MYCBP: variants seen among roughly 807,000 people sequenced by gnomAD.
MYCBP encodes C-Myc-binding protein.
A neutral mutation model predicts 16.8 loss-of-function variants in MYCBP; 5 were observed. That is an observed-to-expected ratio of 0.30 (90% CI 0.16 to 0.63). MYCBP has a LOEUF of 0.63. Ranked by LOEUF, MYCBP falls within the 20% of genes least tolerant of loss-of-function variation. The probability of loss-of-function intolerance (pLI) is 0.83; values close to 1 mark genes in which losing one functional copy is unlikely to be tolerated. For missense variants in MYCBP, 103 were observed against 121.8 expected (o/e 0.85, Z 0.73); for synonymous variants, 35 against 43.7 (o/e 0.80, Z 0.79).
chr1:38,873,315 G>C lies in MYCBP; in HGVS notation c.-10C>G, dbSNP rs200828601. On this transcript the variant is annotated 5_prime_UTR_variant, in exon 1 of 5. Transcript: ENST00000397572. ...CTTTGTAATGGGCCATAGTGACAGC[G>C]GCAGCGGCGTAGCTGGCGCCGGAGA... 3 of 1,601,422 alleles carry C rather than the reference G, an allele frequency of 1.9e-6. No homozygotes were observed. Among genetic ancestry groups the C allele is most frequent in the African/African-American group, 2.7e-5 (2 of 74,892 alleles).
chr1:38,871,002 G>C (rs761989641), intron 2 of MYCBP, among the ~76,000 whole-genome samples: 3 of 152,056 alleles, frequency 2.0e-5, no homozygotes, highest in Admixed American at 6.6e-5. Flanking sequence ...CACTCTGCGG[G>C]GCTGAGGTGA....
intron 4 of MYCBP, among the ~76,000 whole-genome samples, chr1:38,865,708 G>T (rs191585917): frequency 1.3e-5 from 2 of 152,170 alleles, no homozygotes; most frequent in East Asian, 3.9e-4. Context: ...AGGCAGAGGT[G>T]GGGGGATTAC....
chr1:38,872,883 G>A lies in MYCBP; in HGVS notation c.88+135C>T, dbSNP rs1378130632. On this transcript the variant is annotated intron_variant, in intron 2 of 4. Coordinates refer to ENST00000397572, the MANE Select transcript of MYCBP (RefSeq NM_012333.5). ...AGCAGCCAGGTCCCTGCTGAACCCC[G>A]AGGCCCACCTCGCTGGACCCCGGAC... 7 of 1,024,690 alleles carry A rather than the reference G, an allele frequency of 6.8e-6. No individual in the cohort carries two copies. The South Asian group carries it at 8.0e-5, about 12-fold the overall frequency. 63.5% of individuals were successfully genotyped at this position (1,024,690 alleles called of 1,614,324 possible). A position where few individuals can be genotyped will look rare whatever the true frequency, so the allele number is the denominator to read the frequency against.
At chr1:38,873,167 G>C in intron 1 of MYCBP, 77 bp from the exon 2 acceptor site, 1 of 1,551,004 alleles carries the variant, frequency 6.4e-7, no homozygotes, top group Non-Finnish European at 8.7e-7. Context: ...CGGCAACCCC[G>C]CCTCCGCCTC....
Position 38,864,404 on chromosome 1 carries a change from T to C in MYCBP, c.*266A>G, listed in dbSNP as rs1157331957. The C allele has an allele frequency of 1.0e-5, 5 of 488,292 alleles. No individual in the cohort carries two copies. The highest frequency in any genetic ancestry group is 1.9e-5 in the Non-Finnish European group (5 of 268,914). The allele number at this position is 488,292 out of a possible 1,614,324, so 30.2% of individuals were successfully genotyped here. A position where few individuals can be genotyped will look rare whatever the true frequency, so the allele number is the denominator to read the frequency against. On this transcript the variant is annotated 3_prime_UTR_variant, in exon 5 of 5. Coordinates refer to ENST00000397572, the MANE Select transcript of MYCBP (RefSeq NM_012333.5). Reference sequence around the variant, plus strand: ...GTGCCATCATTCCTAATCAGACTAATAAACAGAATGTCTTTTAAGGTAATG... The same window carrying C: ...GTGCCATCATTCCTAATCAGACTAACAAACAGAATGTCTTTTAAGGTAATG...
Position 38,873,085 on chromosome 1 carries a change from G to T in MYCBP, c.21C>A (p.Ala7=). The T allele has an allele frequency of 6.4e-7, 1 of 1,560,564 alleles. No homozygotes were observed. Among genetic ancestry groups the T allele is most frequent in the Non-Finnish European group, 8.7e-7 (1 of 1,152,286 alleles). ...TCCGGAACTGCTCACGCTTCGAGTC[G>T]GCGGCCTGAAGAGACACCGGGGGTC... The part of the protein sequence containing the change: MAHYKA[A]DSKREQFRRY... The change falls in exon 2 of 5, where the codon GCC becomes GCA. Residue 7 remains alanine (A), a synonymous_variant. Coordinates refer to ENST00000397572, the MANE Select transcript of MYCBP (RefSeq NM_012333.5).
At chr1:38,871,702 G>A (rs1330618065) in intron 2 of MYCBP, among the ~76,000 whole-genome samples, 1 of 151,700 alleles carries the variant, frequency 6.6e-6, no homozygotes, top group Non-Finnish European at 1.5e-5. Flanking sequence ...CATGAGCCAC[G>A]TGCCTGGCCT....
At position 38,873,172 on chromosome 1, in the gene MYCBP, C is replaced by T. The variant is rs1642505035; in HGVS notation, c.16-82G>A. 1.9e-6 allele frequency: 3 copies of T among 1,553,276 alleles called. No individual in the cohort carries two copies. The African/African-American group carries it at 4.1e-5, about 21-fold the overall frequency. ...GCTGGGAGTCCGGCAACCCCGCCTC[C>T]GCCTCACTACCTCGGGGCCCTCCCG... On this transcript the variant is annotated intron_variant, in intron 1 of 4. Transcript: ENST00000397572.
chr1:38,870,814 A>C lies in MYCBP; in HGVS notation c.88+2204T>G, dbSNP rs1043971525. On this transcript the variant is annotated intron_variant, in intron 2 of 4. Coordinates refer to ENST00000397572, the MANE Select transcript of MYCBP (RefSeq NM_012333.5). ...GACTCCGTCTCAAAAAAAAAAAAAAAAAAAAAAAAAAAAACAAATAGAATT... is the reference window on the plus strand; with the variant it reads ...GACTCCGTCTCAAAAAAAAAAAAAACAAAAAAAAAAAAAACAAATAGAATT... 1.5e-3 allele frequency among the ~76,000 whole-genome samples: 217 copies of C among 143,630 alleles called. 4 individuals carry two copies. The highest frequency in any genetic ancestry group is 1.3e-3 in the Non-Finnish European group (85 of 67,612). 94.2% of individuals were successfully genotyped at this position (143,630 alleles called of 152,430 possible).
intron 4 of MYCBP, 45 bp from the exon 5 acceptor site, chr1:38,864,759 T>C (rs375851524): frequency 1.9e-6 from 3 of 1,580,596 alleles, no homozygotes; most frequent in Non-Finnish European, 2.6e-6. Flanking sequence ...TTATTCTAAA[T>C]TGAGTAAAAA....
intron 4 of MYCBP, among the ~76,000 whole-genome samples, chr1:38,864,993 T>G (rs1642306933): frequency 1.3e-5 from 2 of 152,234 alleles, no homozygotes; most frequent in Admixed American, 6.5e-5. Flanking sequence ...TGCAATAAAC[T>G]ATATCTTCCC....
In MYCBP at chr1:38,863,114, G is replaced by T. The variant is rs1438003350; in HGVS notation, c.*1556C>A. 6.6e-6 allele frequency: 1 copy of T among 152,154 alleles called. No homozygotes were observed. The highest frequency in any genetic ancestry group is 1.5e-5 in the Non-Finnish European group (1 of 68,022). The allele number at this position is 152,154 out of a possible 1,614,324, so 9.4% of individuals were successfully genotyped here. On this transcript the variant is annotated 3_prime_UTR_variant, in exon 5 of 5. Coordinates refer to ENST00000397572, the MANE Select transcript of MYCBP (RefSeq NM_012333.5). ...TAGTCCACTGCTGCCCATGTAGGAGGCACTCAAATTGGTAAAAGAGAAATC... is the reference window on the plus strand; with the variant it reads ...TAGTCCACTGCTGCCCATGTAGGAGTCACTCAAATTGGTAAAAGAGAAATC...
At chr1:38,873,259 G>T (rs1642507161) in intron 1 of MYCBP, 32 bp downstream of exon 1, 2 of 1,597,642 alleles carry the variant, frequency 1.3e-6, no homozygotes, top group Admixed American at 1.7e-5. Flanking sequence ...GCTACCGCCC[G>T]CATGCCCCCA....
intron 2 of MYCBP, among the ~76,000 whole-genome samples, chr1:38,870,791 C>T (rs1642444226): frequency 2.2e-5 from 2 of 92,988 alleles, no homozygotes; most frequent in East Asian, 3.0e-4. Flanking sequence ...CAGAGCGAGA[C>T]TCCGTCTCAA....
Position 38,862,846 on chromosome 1 carries a change from C to CT in MYCBP, c.*1823_*1824insA, listed in dbSNP as rs1334496001. ...CAGTCACAGTCACCTGGCTTACTGA[C>CT]ATAAATATTAATACTAATCAAATGA... is the stretch of plus-strand genomic sequence containing the variant. On this transcript the variant is annotated 3_prime_UTR_variant, in exon 5 of 5. Coordinates refer to ENST00000397572, the MANE Select transcript of MYCBP (RefSeq NM_012333.5). 2.0e-5 allele frequency: 3 copies of CT among 152,196 alleles called. No homozygotes were observed. Among genetic ancestry groups the CT allele is most frequent in the African/African-American group, 7.2e-5 (3 of 41,448 alleles). The allele number at this position is 152,196 out of a possible 1,614,324, so 9.4% of individuals were successfully genotyped here.
intron 2 of MYCBP, among the ~76,000 whole-genome samples, chr1:38,868,381 C>T (rs1454509694): frequency 2.0e-5 from 3 of 152,152 alleles, no homozygotes; most frequent in African/African-American, 7.2e-5. Context: ...TAAATAACCA[C>T]CAACCAAAAA....
intron 2 of MYCBP, among the ~76,000 whole-genome samples, chr1:38,868,600 A>G (rs917620774): frequency 2.0e-4 from 31 of 152,186 alleles, no homozygotes; most frequent in Admixed American, 1.6e-3. Flanking sequence ...AAGCAAAAAA[A>G]GTAAACACAC....
rs71573793 is a variant in MYCBP at position 38,871,427 on chromosome 1, C to CTTTTT, written c.88+1586_88+1590dup. Among the ~76,000 whole-genome samples the CTTTTT allele has an allele frequency of 3.9e-4, 43 of 110,572 alleles. 2 individuals carry two copies. Among genetic ancestry groups the CTTTTT allele is most frequent in the Non-Finnish European group, 6.1e-4 (34 of 55,372 alleles). 72.5% of individuals were successfully genotyped at this position (110,572 alleles called of 152,430 possible). A position where few individuals can be genotyped will look rare whatever the true frequency, so the allele number is the denominator to read the frequency against. On this transcript the variant is annotated intron_variant, in intron 2 of 4. Transcript: ENST00000397572. ...AATGACACACACATCCCACCTGTCA[C>CTTTTT]TTTTTTTTTTTTTTTTTTTTGGAGA...
chr1:38,871,296 A>G lies in MYCBP; in HGVS notation c.88+1722T>C, dbSNP rs1642460184. On this transcript the variant is annotated intron_variant, in intron 2 of 4. Transcript: ENST00000397572. ...TACCATTCAGTCTTTCACTTGCTCCATCCAACCACTCTGGCCTCCTTAGAC... is the reference window on the plus strand; with the variant it reads ...TACCATTCAGTCTTTCACTTGCTCCGTCCAACCACTCTGGCCTCCTTAGAC... 2.0e-5 allele frequency among the ~76,000 whole-genome samples: 3 copies of G among 150,190 alleles called. No homozygotes were observed. The South Asian group carries it at 6.3e-4, about 32-fold the overall frequency.
Sources: gnomAD v4.1 joint callset for allele counts (sites outside exome capture counted in the v4.1 genomes callset) on GRCh38, gnomAD v4.1.1 for gene constraint, MANE v1.5 for transcripts, NCBI Gene and HGNC (gene_info 2026-07-23, HGNC 2026-07-21) for gene names.